The following SULF1 variants were observed in gnomAD, a reference collection of about 807,000 sequenced individuals.
The protein encoded by SULF1 is sulfatase 1.
A neutral mutation model predicts 110.5 loss-of-function variants in SULF1; 46 were observed. The observed-to-expected ratio is 0.42, with a 90% CI of 0.33 to 0.53. The LOEUF is 0.53. Ranked by LOEUF, SULF1 falls within the 20% of genes least tolerant of loss-of-function variation. The pLI is 0.12. For missense variants in SULF1, 941 were observed against 1,094.2 expected (o/e 0.86, Z 1.98); for synonymous variants, 371 against 387.1 (o/e 0.96, Z 0.49).
chr8:69,547,673 TC>T (rs1393200457), intron 3 of SULF1, among the ~76,000 whole-genome samples: 1 of 152,106 alleles, frequency 6.6e-6, no homozygotes, highest in Non-Finnish European at 1.5e-5. Context: ...TGCCGTCTGC[TC>T]TAGCTTTAGA....
chr8:69,607,416 G>T (rs1586535906), intron 13 of SULF1, among the ~76,000 whole-genome samples: 3 of 152,352 alleles, frequency 2.0e-5, no homozygotes, highest in South Asian at 4.1e-4. Context: ...CCAGGCTGGA[G>T]TGCAGTGGCG....
intron 13 of SULF1, among the ~76,000 whole-genome samples, chr8:69,617,693 G>T (rs1467134197): frequency 1.3e-5 from 2 of 151,720 alleles, no homozygotes; most frequent in Non-Finnish European, 2.9e-5. Context: ...ACATTAAATG[G>T]CAGAATCATG....
At chr8:69,520,679 G>T (rs560994272) in intron 3 of SULF1, among the ~76,000 whole-genome samples, 82 of 152,142 alleles carry the variant, frequency 5.4e-4, no homozygotes, top group Non-Finnish European at 1.0e-3. Flanking sequence ...GTTTACATTT[G>T]CCAGTTAAGA....
At chr8:69,511,376 A>T (rs548117455) in intron 3 of SULF1, among the ~76,000 whole-genome samples, 1 of 152,330 alleles carries the variant, frequency 6.6e-6, no homozygotes, top group South Asian at 2.1e-4. Context: ...CGAAAATCCG[A>T]TAAAAAGATC....
intron 13 of SULF1, among the ~76,000 whole-genome samples, chr8:69,618,895 C>T (rs1809383349): frequency 6.6e-6 from 1 of 152,156 alleles, no homozygotes; most frequent in South Asian, 2.1e-4. Flanking sequence ...AATTGCATAT[C>T]ATTTTGTACA....
chr8:69,603,697 A>C, intron 12 of SULF1, 41 bp downstream of exon 12: 7 of 1,347,620 alleles, frequency 5.2e-6, no homozygotes, highest in Non-Finnish European at 7.5e-6. Context: ...AACCAGTCCT[A>C]GTGGGCAGCT....
intron 1 of SULF1, among the ~76,000 whole-genome samples, chr8:69,470,161 T>G (rs548066628): frequency 1.3e-5 from 2 of 152,134 alleles, no homozygotes; most frequent in East Asian, 3.9e-4. Context: ...GGACATCCGG[T>G]TTTTTTTCCC....
intron 3 of SULF1, among the ~76,000 whole-genome samples, chr8:69,508,376 G>A (rs1294584681): frequency 3.3e-5 from 5 of 152,122 alleles, no homozygotes; most frequent in South Asian, 2.1e-4. Context: ...AAATGCTGAG[G>A]TTACAGGCAT....
intron 19 of SULF1, among the ~76,000 whole-genome samples, chr8:69,632,232 G>A (rs1467220789): frequency 6.6e-6 from 1 of 152,128 alleles, no homozygotes; most frequent in East Asian, 1.9e-4. Flanking sequence ...TACCAAATTT[G>A]ATGCTCCTTC....
intron 10 of SULF1, among the ~76,000 whole-genome samples, chr8:69,602,511 C>A (rs1169222165): frequency 6.6e-6 from 1 of 152,198 alleles, no homozygotes; most frequent in Non-Finnish European, 1.5e-5. Flanking sequence ...AAGCATCTAG[C>A]CTGGACCCCT....
chr8:69,598,860 T>C (rs1807556527), intron 8 of SULF1, among the ~76,000 whole-genome samples: 1 of 152,200 alleles, frequency 6.6e-6, no homozygotes. Flanking sequence ...CTAAGCTCAA[T>C]GTGATATTAT....
At chr8:69,591,563 TA>T (rs1305544564) in intron 8 of SULF1, among the ~76,000 whole-genome samples, 16 of 143,224 alleles carry the variant, frequency 1.1e-4, no homozygotes, top group East Asian at 8.2e-4. Context: ...GACTCTGTCT[TA>T]AAAAAAAAAA....
At chr8:69,599,461 ATGT>A (rs1807602097) in intron 8 of SULF1, among the ~76,000 whole-genome samples, 1 of 152,146 alleles carries the variant, frequency 6.6e-6, no homozygotes, top group Non-Finnish European at 1.5e-5. Flanking sequence ...CCACTTACTA[ATGT>A]TGTTAATTTG....
rs780050426 is a variant in SULF1 at position 69,629,637 on chromosome 8, A to G, written c.2242A>G (p.Thr748Ala). 6.2e-7 allele frequency: 1 copy of G among 1,612,804 alleles called. No individual in the cohort carries two copies. The highest frequency in any genetic ancestry group is 8.5e-7 in the Non-Finnish European group (1 of 1,179,398). Residue 748 changes from threonine (T) to alanine (A), a missense_variant, in exon 19 of 23, where the codon ACG becomes GCG. Around this residue, in one of 3 missense-constraint regions of SULF1, gnomAD observed 7 missense variants for 26.3 expected, o/e 0.27. Coordinates refer to ENST00000402687, the MANE Select transcript of SULF1 (RefSeq NM_001128205.2). ...ECSLPGLTCF[T>A]HDNNHWQTAP... ...CAGCCTGCCTGGCCTCACTTGCTTCACGCATGACAACAACCACTGGCAGAC... is the reference window on the plus strand; with the variant it reads ...CAGCCTGCCTGGCCTCACTTGCTTCGCGCATGACAACAACCACTGGCAGAC...
intron 8 of SULF1, among the ~76,000 whole-genome samples, chr8:69,592,361 G>A (rs562532129): frequency 4.4e-4 from 67 of 152,248 alleles, no homozygotes; most frequent in Admixed American, 1.5e-3. Flanking sequence ...CTGGAGGTTG[G>A]GTAGTAACAA....
chr8:69,556,296 G>A (rs974005989), intron 3 of SULF1, among the ~76,000 whole-genome samples: 2 of 152,198 alleles, frequency 1.3e-5, no homozygotes, highest in African/African-American at 4.8e-5. Flanking sequence ...GGGGCCACAA[G>A]ACTAGTCTCA....
chr8:69,592,905 T>A, intron 8 of SULF1: 1 of 987,328 alleles, frequency 1.0e-6, no homozygotes, highest in Non-Finnish European at 1.2e-6. Flanking sequence ...CTCTCACACC[T>A]GGCCATTCCA....
upstream of SULF1, among the ~76,000 whole-genome samples, chr8:69,488,894 A>G (rs1809804470): frequency 6.6e-6 from 1 of 152,058 alleles, no homozygotes; most frequent in Admixed American, 6.5e-5. Flanking sequence ...CGGTGCCCTG[A>G]GGCTCCCCGG....
At chr8:69,468,544 C>T (rs2583085) in intron 1 of SULF1, among the ~76,000 whole-genome samples, 52,206 of 151,908 alleles carry the variant, frequency 0.34, 9,979 homozygotes, top group African/African-American at 0.52. Context: ...GCAGTTATTC[C>T]GACTGAGTAT....
Sources: gnomAD v4.1 joint callset for allele counts (sites outside exome capture counted in the v4.1 genomes callset) on GRCh38, gnomAD v4.1.1 for gene constraint, gnomAD v4.1.1 regional missense constraint, MANE v1.5 for transcripts, NCBI Gene and HGNC (gene_info 2026-07-23, HGNC 2026-07-21) for gene names.